Variants in ETV6 observed in about 807,000 individuals in gnomAD.
ETV6 encodes ETS variant transcription factor 6, also known as transcription factor ETV6.
In ETV6, 16 loss-of-function variants were observed where a neutral mutation model predicts 51.1. That is an observed-to-expected ratio of 0.31 (90% CI 0.21 to 0.48). The LOEUF (loss-of-function observed/expected upper bound fraction) is 0.48. Among genes scored for constraint, ETV6 ranks in the 20% least tolerant of loss-of-function variants. ETV6 has a pLI of 0.99. For synonymous variants in ETV6, 240 were observed against 224.1 expected, an observed-to-expected ratio of 1.07 and a Z score of -0.64; for missense variants, 458 against 594.8, an observed-to-expected ratio of 0.77 and a Z score of 2.39.
chr12:11,858,888 C>G (rs1156598345), intron 4 of ETV6, among the ~76,000 whole-genome samples: 1 of 152,054 alleles, frequency 6.6e-6, no homozygotes, highest in African/African-American at 2.4e-5. Flanking sequence ...ACAACTAGCA[C>G]ATGGGAATGG....
chr12:11,823,459 TC>T (rs1946110285), intron 2 of ETV6, among the ~76,000 whole-genome samples: 1 of 148,078 alleles, frequency 6.8e-6, no homozygotes, highest in Admixed American at 6.8e-5. Context: ...CACTAGAGAG[TC>T]CTTTTTTTCT....
intron 1 of ETV6, among the ~76,000 whole-genome samples, chr12:11,722,720 C>A (rs1401548549): frequency 6.6e-6 from 1 of 152,208 alleles, no homozygotes; most frequent in African/African-American, 2.4e-5. Flanking sequence ...GAGAAATGGA[C>A]AACCCAAATA....
At chr12:11,866,260 G>T (rs924402830) in intron 4 of ETV6, among the ~76,000 whole-genome samples, 21 of 151,794 alleles carry the variant, frequency 1.4e-4, no homozygotes, top group African/African-American at 5.1e-4. Context: ...TTACAACCAT[G>T]ATTTTCTTTT....
intron 4 of ETV6, among the ~76,000 whole-genome samples, chr12:11,863,717 C>G (rs1946749199): frequency 6.6e-6 from 1 of 152,254 alleles, no homozygotes; most frequent in African/African-American, 2.4e-5. Context: ...AGTGCATTTC[C>G]TGTGTCCGGA....
chr12:11,698,123 A>G (rs1272346937), intron 1 of ETV6, among the ~76,000 whole-genome samples: 1 of 152,228 alleles, frequency 6.6e-6, no homozygotes, highest in African/African-American at 2.4e-5. Flanking sequence ...TCTTCTAAGT[A>G]TCTGTCCTTA....
chr12:11,685,274 T>G (rs1591607349), intron 1 of ETV6, among the ~76,000 whole-genome samples: 2 of 151,874 alleles, frequency 1.3e-5, no homozygotes, highest in South Asian at 2.1e-4. Context: ...GTGATACCTT[T>G]TGGTCGATTT....
intron 2 of ETV6, among the ~76,000 whole-genome samples, chr12:11,759,080 C>T (rs1410347560): frequency 1.3e-5 from 2 of 151,924 alleles, no homozygotes; most frequent in African/African-American, 2.4e-5. Context: ...AAAGAATTTC[C>T]GATGCAGGCA....
rs774881461 is a variant in ETV6, at chr12:11,869,823, A to G, written c.863A>G (p.Lys288Arg). The G allele has an allele frequency of 1.2e-6, 2 of 1,613,434 alleles. No individual in the cohort carries two copies. Among genetic ancestry groups the G allele is most frequent in the East Asian group, 2.2e-5 (1 of 44,878 alleles). Reference sequence around the variant, plus strand: ...AACCCCCGGCACTCCGTGGATTTCAAACAGTCCAGGCTCTCCGAGGACGGG... The same window carrying G: ...AACCCCCGGCACTCCGTGGATTTCAGACAGTCCAGGCTCTCCGAGGACGGG... ...ILNPRHSVDF[K>R]QSRLSEDGLH... is the part of the protein sequence containing the mutation. Residue 288 changes from lysine (K) to arginine (R), a missense_variant, in exon 5 of 8, where the codon AAA becomes AGA. Lys to Arg is a conservative substitution (Grantham distance 26). Transcript: ENST00000396373. The surrounding 1 kb of genome is among the most constrained non-coding windows in gnomAD (Gnocchi z 5.0).
At chr12:11,821,329 G>A (rs1946078097) in intron 2 of ETV6, among the ~76,000 whole-genome samples, 2 of 152,142 alleles carry the variant, frequency 1.3e-5, no homozygotes, top group Admixed American at 1.3e-4. Flanking sequence ...TGGCGCCACT[G>A]CACTCCAGCC....
intron 3 of ETV6, among the ~76,000 whole-genome samples, chr12:11,853,078 T>C (rs1268396557): frequency 6.6e-6 from 1 of 152,098 alleles, no homozygotes; most frequent in African/African-American, 2.4e-5. Flanking sequence ...TCCCAGCTAC[T>C]TGGAGGGCTG....
At chr12:11,828,162 C>G (rs1393805280) in intron 2 of ETV6, among the ~76,000 whole-genome samples, 3 of 152,130 alleles carry the variant, frequency 2.0e-5, no homozygotes. Context: ...ATAGGAAATG[C>G]TGCCTTAATG....
Position 11,892,668 on chromosome 12 carries a change from C to T in ETV6, c.*1622C>T. The T allele has an allele frequency of 4.3e-6, 1 of 233,128 alleles. No individual in the cohort carries two copies. The highest frequency in any genetic ancestry group is 8.5e-6 in the Non-Finnish European group (1 of 117,978). The allele number at this position is 233,128 out of a possible 1,614,324, so 14.4% of individuals were successfully genotyped here. On this transcript the variant is annotated 3_prime_UTR_variant, in exon 8 of 8. Coordinates refer to ENST00000396373, the MANE Select transcript of ETV6 (RefSeq NM_001987.5). ...TTCCTCTACTCAGTTGGGGGAGAAACTCACAGCTCCTCCGGGATACATATG... is the reference window on the plus strand; with the variant it reads ...TTCCTCTACTCAGTTGGGGGAGAAATTCACAGCTCCTCCGGGATACATATG...
At chr12:11,856,683 C>T (rs1471201898) in intron 4 of ETV6, among the ~76,000 whole-genome samples, 2 of 152,142 alleles carry the variant, frequency 1.3e-5, no homozygotes, top group Non-Finnish European at 2.9e-5. Flanking sequence ...CTCTCTCTCC[C>T]TTCTTCTCCA....
intron 2 of ETV6, among the ~76,000 whole-genome samples, chr12:11,811,416 C>T (rs1410772021): frequency 1.3e-5 from 2 of 152,196 alleles, no homozygotes; most frequent in Admixed American, 6.5e-5. Context: ...AGAAAGGACT[C>T]GCTGCCTTCG....
rs1203369840 is a variant in ETV6, at chr12:11,709,388, G to A, written c.34-43062G>A. Among the ~76,000 whole-genome samples the A allele has an allele frequency of 4.0e-5, 6 of 150,220 alleles. No homozygotes were observed. In the East Asian group the frequency reaches 7.8e-4, roughly 20 times the overall value. ...CTCTCTTCTTCTTTTCTTTCTTTTC[G>A]AGATGAGGTCTCGCTATGTTGTGCA... On this transcript the variant is annotated intron_variant, in intron 1 of 7. Transcript: ENST00000396373.
intron 2 of ETV6, among the ~76,000 whole-genome samples, chr12:11,811,089 C>G (rs1945905793): frequency 6.6e-6 from 1 of 152,184 alleles, no homozygotes. Flanking sequence ...TGATTCTTTT[C>G]AGGGTTTTTC....
chr12:11,765,137 C>A (rs1945144901), intron 2 of ETV6, among the ~76,000 whole-genome samples: 2 of 152,214 alleles, frequency 1.3e-5, no homozygotes, highest in African/African-American at 4.8e-5. Context: ...AGCTACCCCA[C>A]AGAAAACATC....
chr12:11,650,358 G>T (rs1317948667), intron 1 of ETV6, among the ~76,000 whole-genome samples, 198 bp downstream of exon 1: 1 of 59,320 alleles, frequency 1.7e-5, no homozygotes, highest in African/African-American at 4.1e-5. Flanking sequence ...CCCCACCGCC[G>T]AGCCCCTGCC....
Position 11,839,283 on chromosome 12 carries a change from C to G in ETV6, c.307C>G (p.Arg103Gly), listed in dbSNP as rs1946356870. 1.2e-6 allele frequency: 2 copies of G among 1,613,882 alleles called. No homozygotes were observed. Among genetic ancestry groups the G allele is most frequent in the Non-Finnish European group, 1.7e-6 (2 of 1,179,808 alleles). ...CCTGCTGCTGACCAAAGAGGACTTT[C>G]GCTATCGATCTCCTCATTCAGGTGA... ...ALLLLTKEDF[R>G]YRSPHSGDVL... The change falls in exon 3 of 8, where the codon CGC becomes GGC. Residue 103 changes from arginine (R) to glycine (G), a missense_variant. Arg to Gly is a moderately radical substitution (Grantham distance 125). Around this residue, in one of 4 missense-constraint regions of ETV6, gnomAD observed 293 missense variants for 315.7 expected, o/e 0.93. Transcript: ENST00000396373.
Sources: allele counts gnomAD v4.1 joint callset (sites outside exome capture counted in the v4.1 genomes callset), GRCh38; gene constraint gnomAD v4.1.1; regional missense constraint gnomAD v4.1.1; non-coding constraint Gnocchi (gnomAD v3.1); transcripts MANE v1.5; gene names NCBI Gene and HGNC (gene_info 2026-07-23, HGNC 2026-07-21).